Variants in TBC1D4 observed in about 807,000 individuals in gnomAD.
TBC1D4 encodes the protein TBC (Tre-2, BUB2, CDC16) domain-containing protein.
In TBC1D4, 121 loss-of-function variants were observed where a neutral mutation model predicts 142.5. That is an observed-to-expected ratio of 0.85 (90% confidence interval 0.73 to 0.99). The LOEUF (loss-of-function observed/expected upper bound fraction) is 0.99, where lower values mean the gene tolerates loss of function less well. Ranked by LOEUF, TBC1D4 falls within the 50% of genes least tolerant of loss-of-function variation. TBC1D4 has a pLI of 0.00. For synonymous variants in TBC1D4, 630 were observed against 628.2 expected, an observed-to-expected ratio of 1.00 and a Z score of -0.04; for missense variants, 1,475 against 1,606.6, an observed-to-expected ratio of 0.92 and a Z score of 1.40.
intron 7 of TBC1D4, among the ~76,000 whole-genome samples, chr13:75,337,577 G>C (rs1880328862): frequency 6.6e-6 from 1 of 152,136 alleles, no homozygotes; most frequent in Non-Finnish European, 1.5e-5. Context: ...CACTATATTA[G>C]GTTCTCTATG....
In TBC1D4 at chr13:75,481,475, C is replaced by A; in HGVS notation, c.293G>T (p.Gly98Val). 1 of 1,613,396 alleles carries A rather than the reference C, an allele frequency of 6.2e-7. No homozygotes were observed. Among genetic ancestry groups the A allele is most frequent in the Non-Finnish European group, 8.5e-7 (1 of 1,179,608 alleles). Reference protein sequence around the residue: ...APFLRCVPAPGAGASGGTSPS... With the variant: ...APFLRCVPAPVAGASGGTSPS... ...ACTAGTGCCCCCCGAGGCCCCAGCG[C>A]CCGGCGCGGGGACGCAACGCAGGAA... is the stretch of plus-strand genomic sequence containing the variant. Residue 98 changes from glycine (G) to valine (V), a missense_variant, in exon 1 of 21, where the codon GGC (glycine) becomes GTC (valine). This residue lies in a region of TBC1D4 where 1,227 missense variants were observed against 1,267.7 expected (regional missense o/e 0.97). Coordinates refer to ENST00000377636, the MANE Select transcript of TBC1D4 (RefSeq NM_014832.5).
intron 5 of TBC1D4, among the ~76,000 whole-genome samples, chr13:75,342,710 A>G (rs1198878726): frequency 6.6e-6 from 1 of 152,074 alleles, no homozygotes; most frequent in African/African-American, 2.4e-5. Context: ...ATTCATTTTT[A>G]AAGAACAGAT....
intron 1 of TBC1D4, among the ~76,000 whole-genome samples, chr13:75,371,503 C>T (rs1348907131): frequency 6.6e-6 from 1 of 152,184 alleles, no homozygotes; most frequent in Non-Finnish European, 1.5e-5. Flanking sequence ...CTTTAATTTT[C>T]TCTGTAAAAT....
intron 1 of TBC1D4, among the ~76,000 whole-genome samples, chr13:75,449,884 C>G (rs1887461102): frequency 6.6e-6 from 1 of 152,072 alleles, no homozygotes; most frequent in Non-Finnish European, 1.5e-5. Flanking sequence ...CGTGCCCAGC[C>G]AAATGTACAT....
intron 1 of TBC1D4, among the ~76,000 whole-genome samples, chr13:75,437,155 G>A (rs1274193257): frequency 2.0e-5 from 3 of 152,164 alleles, no homozygotes; most frequent in South Asian, 4.1e-4. Context: ...GCCTAAAGGG[G>A]TATTACTGAG....
rs1877590495 is a variant in TBC1D4 at position 75,310,083 on chromosome 13, C to T, written c.2452G>A (p.Val818Ile). The change falls in exon 14 of 21, where the codon GTT becomes ATT. Residue 818 changes from valine to isoleucine, a missense_variant. Physicochemically the swap from Val to Ile is conservative, Grantham distance 29. This residue lies in a region of TBC1D4 where 1,227 missense variants were observed against 1,267.7 expected (regional missense o/e 0.97). Transcript: ENST00000377636. ...TCATCCTCCCCAGACAGGAATACAA[C>T]CAGCGGTTCCTCCTCCATGGTTGGA... ...LSPTMEEEPL[V>I]VFLSGEDDPE... 6.2e-7 allele frequency: 1 copy of T among 1,614,092 alleles called. No homozygotes were observed. Among genetic ancestry groups the T allele is most frequent in the Non-Finnish European group, 8.5e-7 (1 of 1,179,990 alleles).
intron 10 of TBC1D4, among the ~76,000 whole-genome samples, chr13:75,325,405 T>G (rs1399923603): frequency 6.7e-6 from 1 of 150,132 alleles, no homozygotes; most frequent in Non-Finnish European, 1.5e-5. Flanking sequence ...TCCTTTTACA[T>G]CGAGTTGTGT....
intron 1 of TBC1D4, among the ~76,000 whole-genome samples, chr13:75,458,542 C>A (rs912702724): frequency 1.3e-5 from 2 of 152,096 alleles, no homozygotes; most frequent in Non-Finnish European, 2.9e-5. Context: ...GAGGATTGGG[C>A]CTTTGATGGG....
chr13:75,356,112 C>T lies in TBC1D4; in HGVS notation c.1275+35G>A, dbSNP rs146150478. 38 of 1,511,488 alleles carry T rather than the reference C, an allele frequency of 2.5e-5. 1 individual carries two copies. The East Asian group carries it at 7.4e-4, about 30-fold the overall frequency. 93.6% of individuals were successfully genotyped at this position (1,511,488 alleles called of 1,614,324 possible). On this transcript the variant is annotated intron_variant, in intron 4 of 20. Transcript: ENST00000377636. Reference sequence around the variant, plus strand: ...AAGTCTTCTGTTCGACAGATGTGTCCGCAGGAGCAGGCAGACAGCAATAAC... The same window carrying T: ...AAGTCTTCTGTTCGACAGATGTGTCTGCAGGAGCAGGCAGACAGCAATAAC...
At position 75,299,702 on chromosome 13, in the gene TBC1D4, G is replaced by A. The variant is rs944740945; in HGVS notation, c.2912-128C>T. ...TTCCCAAACCAGTGAGAGTTGCTTA[G>A]AGTCACCATGTAACTAAGAGTCTCT... On this transcript the variant is annotated intron_variant, in intron 16 of 20. Coordinates refer to ENST00000377636, the MANE Select transcript of TBC1D4 (RefSeq NM_014832.5). The A allele has an allele frequency of 3.3e-5, 39 of 1,166,340 alleles. 2 individuals carry two copies. The South Asian group carries it at 5.3e-4, about 16-fold the overall frequency. 72.2% of individuals were successfully genotyped at this position (1,166,340 alleles called of 1,614,324 possible).
At chr13:75,314,192 T>G (rs1878057310) in intron 12 of TBC1D4, among the ~76,000 whole-genome samples, 1 of 152,168 alleles carries the variant, frequency 6.6e-6, no homozygotes. Flanking sequence ...GGCAGGAATA[T>G]CTTACATTTT....
chr13:75,417,439 T>C (rs577745639), intron 1 of TBC1D4, among the ~76,000 whole-genome samples: 26 of 152,188 alleles, frequency 1.7e-4, no homozygotes, highest in Non-Finnish European at 3.2e-4. Flanking sequence ...TCAAACTGGA[T>C]TTCATCTTAT....
chr13:75,307,183 A>AGC (rs1877270118), intron 14 of TBC1D4, among the ~76,000 whole-genome samples: 1 of 152,092 alleles, frequency 6.6e-6, no homozygotes, highest in Non-Finnish European at 1.5e-5. Context: ...GCTGGTCTTA[A>AGC]ACTCCTGGCC....
intron 17 of TBC1D4, among the ~76,000 whole-genome samples, chr13:75,297,228 T>C (rs148936634): frequency 6.6e-6 from 1 of 152,340 alleles, no homozygotes; most frequent in East Asian, 1.9e-4. Context: ...AATGTATAAA[T>C]CCGATTTACA....
At chr13:75,401,364 G>C (rs943906322) in intron 1 of TBC1D4, among the ~76,000 whole-genome samples, 1 of 152,196 alleles carries the variant, frequency 6.6e-6, no homozygotes, top group Non-Finnish European at 1.5e-5. Context: ...CAATTTGTCA[G>C]TAAGAACTGT....
chr13:75,341,366 A>G (rs1880686400), intron 6 of TBC1D4, 130 bp downstream of exon 6: 1 of 1,244,906 alleles, frequency 8.0e-7, no homozygotes, highest in South Asian at 1.2e-5. Flanking sequence ...ATGGCATTCT[A>G]TTCTATCCAG....
chr13:75,369,518 C>T (rs1386281966), intron 1 of TBC1D4, among the ~76,000 whole-genome samples: 1 of 110,992 alleles, frequency 9.0e-6, no homozygotes, highest in Non-Finnish European at 1.9e-5. Context: ...CACACACACA[C>T]ACACACAATC....
intron 1 of TBC1D4, among the ~76,000 whole-genome samples, chr13:75,386,014 A>G (rs1472183500): frequency 5.9e-5 from 9 of 152,178 alleles, no homozygotes; most frequent in Admixed American, 5.9e-4. Context: ...AACCTGAACA[A>G]TTTATAATAT....
intron 1 of TBC1D4, among the ~76,000 whole-genome samples, chr13:75,445,376 G>A (rs1887231754): frequency 6.6e-6 from 1 of 152,088 alleles, no homozygotes; most frequent in African/African-American, 2.4e-5. Flanking sequence ...ATGACACACT[G>A]GGCTTGTTGT....
Sources: gnomAD v4.1 joint callset for allele counts (sites outside exome capture counted in the v4.1 genomes callset) on GRCh38, gnomAD v4.1.1 for gene constraint, gnomAD v4.1.1 regional missense constraint, MANE v1.5 for transcripts, NCBI Gene and HGNC (gene_info 2026-07-23, HGNC 2026-07-21) for gene names.